SDC2: variants seen among roughly 807,000 people sequenced by gnomAD.
SDC2 encodes the protein syndecan-2.
Under a neutral mutation model 22.2 loss-of-function variants are expected in SDC2, and 13 were observed. That is an observed-to-expected ratio of 0.59 (90% CI 0.38 to 0.93). The LOEUF (loss-of-function observed/expected upper bound fraction) is 0.93, where lower values mean the gene tolerates loss of function less well. Among genes scored for constraint, SDC2 ranks in the 40% least tolerant of loss-of-function variants. SDC2 has a pLI of 0.00. For synonymous variants in SDC2, 94 were observed against 92.8 expected, an observed-to-expected ratio of 1.01 and a Z score of -0.07; for missense variants, 235 against 246.8, an observed-to-expected ratio of 0.95 and a Z score of 0.32.
intron 1 of SDC2, among the ~76,000 whole-genome samples, chr8:96,578,268 A>G (rs1169259267): frequency 6.6e-6 from 1 of 152,212 alleles, no homozygotes; most frequent in African/African-American, 2.4e-5. Context: ...ACTGTCCAGT[A>G]TGGTAGCCAC....
At chr8:96,525,767 T>C (rs746611647) in intron 1 of SDC2, among the ~76,000 whole-genome samples, 1 of 152,202 alleles carries the variant, frequency 6.6e-6, no homozygotes, top group Non-Finnish European at 1.5e-5. Flanking sequence ...GAAAAAATAC[T>C]GCTTGGGTCT....
chr8:96,526,034 G>C (rs1240135827), intron 1 of SDC2, among the ~76,000 whole-genome samples: 1 of 152,040 alleles, frequency 6.6e-6, no homozygotes, highest in Non-Finnish European at 1.5e-5. Flanking sequence ...CTAAGCATAC[G>C]GCTTCAAGTT....
intron 2 of SDC2, among the ~76,000 whole-genome samples, chr8:96,601,904 G>A (rs577701446): frequency 1.6e-4 from 24 of 151,608 alleles, no homozygotes; most frequent in Non-Finnish European, 2.4e-4. Flanking sequence ...GATTACAGGC[G>A]TGCGCCGCCA....
chr8:96,545,090 C>T (rs1813910210), intron 1 of SDC2, among the ~76,000 whole-genome samples: 1 of 152,196 alleles, frequency 6.6e-6, no homozygotes, highest in African/African-American at 2.4e-5. Context: ...TCCCACCTGA[C>T]TAGCTTTCCT....
chr8:96,552,221 A>G (rs1458225021), intron 1 of SDC2, among the ~76,000 whole-genome samples: 1 of 152,204 alleles, frequency 6.6e-6, no homozygotes, highest in Non-Finnish European at 1.5e-5. Flanking sequence ...AGATTTTAGT[A>G]TCTAATATAA....
intron 1 of SDC2, among the ~76,000 whole-genome samples, chr8:96,516,773 CAAAT>C (rs1813408270): frequency 6.6e-6 from 1 of 152,114 alleles, no homozygotes; most frequent in Admixed American, 6.5e-5. Flanking sequence ...TCTTTATTGC[CAAAT>C]AAATATTTAT....
intron 1 of SDC2, among the ~76,000 whole-genome samples, chr8:96,498,785 T>A (rs148116788): frequency 6.6e-6 from 1 of 152,156 alleles, no homozygotes; most frequent in Non-Finnish European, 1.5e-5. Context: ...CCACTATGCC[T>A]GGCCATTGGT....
chr8:96,544,437 A>C (rs1168435444), intron 1 of SDC2, among the ~76,000 whole-genome samples: 1 of 152,042 alleles, frequency 6.6e-6, no homozygotes, highest in Admixed American at 6.5e-5. Context: ...CCTCCACTTA[A>C]AAGACTTATG....
At chr8:96,502,286 C>T (rs939137339) in intron 1 of SDC2, among the ~76,000 whole-genome samples, 5 of 152,100 alleles carry the variant, frequency 3.3e-5, no homozygotes, top group Non-Finnish European at 4.4e-5. Flanking sequence ...TAGGGGAAAC[C>T]GCCCCCATGT....
intron 1 of SDC2, among the ~76,000 whole-genome samples, chr8:96,548,649 C>T (rs1813975058): frequency 6.6e-6 from 1 of 152,174 alleles, no homozygotes; most frequent in Admixed American, 6.5e-5. Flanking sequence ...TTCAGTATCT[C>T]CTTTTTCTCT....
chr8:96,518,454 A>G (rs1375756706), intron 1 of SDC2, among the ~76,000 whole-genome samples: 1 of 148,552 alleles, frequency 6.7e-6, no homozygotes, highest in Non-Finnish European at 1.5e-5. Context: ...TCCGCCTCCC[A>G]GGTTCACGTC....
At chr8:96,609,009 C>T (rs1239825454) in intron 4 of SDC2, among the ~76,000 whole-genome samples, 1 of 151,740 alleles carries the variant, frequency 6.6e-6, no homozygotes, top group Non-Finnish European at 1.5e-5. Flanking sequence ...TTCATGTATA[C>T]TCTTTAAAAT....
intron 3 of SDC2, among the ~76,000 whole-genome samples, chr8:96,603,378 G>A (rs1346066267): frequency 2.0e-5 from 3 of 152,196 alleles, no homozygotes; most frequent in Non-Finnish European, 4.4e-5. Flanking sequence ...AAGAGACCAA[G>A]CCAATTCACC....
chr8:96,556,426 A>G (rs1281623718), intron 1 of SDC2, among the ~76,000 whole-genome samples: 2 of 151,942 alleles, frequency 1.3e-5, no homozygotes, highest in Non-Finnish European at 2.9e-5. Flanking sequence ...CAAAACAGAG[A>G]TATAGATCAA....
At chr8:96,595,960 T>C (rs56084408) in intron 2 of SDC2, among the ~76,000 whole-genome samples, 53 of 152,370 alleles carry the variant, frequency 3.5e-4, no homozygotes, top group Non-Finnish European at 6.3e-4. Context: ...TTCTTGACTT[T>C]GGAAACCACC....
chr8:96,590,895 C>A (rs772229499), intron 1 of SDC2, among the ~76,000 whole-genome samples: 5 of 152,136 alleles, frequency 3.3e-5, no homozygotes, highest in Non-Finnish European at 7.3e-5. Context: ...CACCCGGGAG[C>A]CCTGTAGACC....
At chr8:96,530,551 T>G (rs1455590215) in intron 1 of SDC2, among the ~76,000 whole-genome samples, 1 of 152,164 alleles carries the variant, frequency 6.6e-6, no homozygotes, top group East Asian at 1.9e-4. Flanking sequence ...GGAGAATTTC[T>G]GGAACCCAGG....
chr8:96,500,658 T>C (rs1813146751), intron 1 of SDC2, among the ~76,000 whole-genome samples: 1 of 100,184 alleles, frequency 1.0e-5, no homozygotes, highest in African/African-American at 4.1e-5. Flanking sequence ...TGAGACTCCA[T>C]CTCAAAAAAA....
chr8:96,494,305 TTGG>T lies in SDC2; in HGVS notation c.38_40del (p.Val13del), dbSNP rs1563636123. 2 of 1,546,696 alleles carry T rather than the reference TTGG, an allele frequency of 1.3e-6. No individual in the cohort carries two copies. The highest frequency in any genetic ancestry group is 1.7e-6 in the Non-Finnish European group (2 of 1,149,816). ...CGCGTGGATCCTGCTCACCTTGGGC[TTGG>T]TGGCCTGCGTGTCGGCGGAGTCGGT... On this transcript the variant is annotated inframe_deletion, in exon 1 of 5. Transcript: ENST00000302190.
Sources: allele counts gnomAD v4.1 joint callset (sites outside exome capture counted in the v4.1 genomes callset), GRCh38; gene constraint gnomAD v4.1.1; transcripts MANE v1.5; gene names NCBI Gene and HGNC (gene_info 2026-07-23, HGNC 2026-07-21).